The following KLHDC4 variants were observed in gnomAD, a reference collection of about 807,000 sequenced individuals.
KLHDC4 encodes kelch domain-containing protein 4.
KLHDC4 carries 90 observed loss-of-function variants against 62.4 expected under a neutral mutation model. The observed-to-expected ratio is 1.44, with a 90% confidence interval of 1.22 to 1.72. The LOEUF (loss-of-function observed/expected upper bound fraction) is 1.72, where lower values mean the gene tolerates loss of function less well. Among genes scored for constraint, KLHDC4 ranks in the 40% most tolerant of loss-of-function variants. The pLI is 0.00. For missense variants in KLHDC4, 1,025 were observed against 699.7 expected (o/e 1.47, Z -5.25); for synonymous variants, 386 against 284.4 (o/e 1.36, Z -3.59).
chr16:87,707,753 G>A, downstream of KLHDC4: 2 of 314,056 alleles, frequency 6.4e-6, no homozygotes, highest in South Asian at 2.7e-5. Context: ...GCCCGGGGCA[G>A]AGGCCCCGGG....
At position 87,749,015 on chromosome 16, in the gene KLHDC4, G is replaced by A. The variant is rs961877525; in HGVS notation, c.370-206C>T. Reference sequence around the variant, plus strand: ...TAGGAAAGCACGTCCTCAGTCAAGGGTCTAATAAACCTTCATGTATCCCTA... The same window carrying A: ...TAGGAAAGCACGTCCTCAGTCAAGGATCTAATAAACCTTCATGTATCCCTA... On this transcript the variant is annotated intron_variant, in intron 4 of 11. Coordinates refer to ENST00000270583, the MANE Select transcript of KLHDC4 (RefSeq NM_017566.4). Among the ~76,000 whole-genome samples the A allele has an allele frequency of 2.0e-5, 3 of 150,130 alleles. No individual in the cohort carries two copies. In the Admixed American group the frequency reaches 2.0e-4, roughly 10 times the overall value.
chr16:87,720,941 C>T (rs887052734), intron 7 of KLHDC4, among the ~76,000 whole-genome samples: 1 of 152,212 alleles, frequency 6.6e-6, no homozygotes, highest in Non-Finnish European at 1.5e-5. Context: ...CGGGTCAAGT[C>T]CCTCTGCGTG....
chr16:87,749,986 CAGGGGATGCTGAGGAGAGAGCAG>C (rs1339861727), intron 4 of KLHDC4, among the ~76,000 whole-genome samples: 2 of 152,192 alleles, frequency 1.3e-5, no homozygotes, highest in African/African-American at 4.8e-5. Context: ...ACTCCGGCAG[CAGGGGATGCTGAGGAGAGAGCAG>C]ACCACCAATC....
intron 2 of KLHDC4, 132 bp downstream of exon 2, chr16:87,761,817 A>G: frequency 1.1e-6 from 1 of 889,322 alleles, no homozygotes; most frequent in Non-Finnish European, 1.8e-6. Context: ...GCAGAAAGTG[A>G]CCAAGAACAG....
intron 4 of KLHDC4, among the ~76,000 whole-genome samples, chr16:87,751,449 G>A (rs536469142): frequency 6.0e-5 from 9 of 151,184 alleles, no homozygotes; most frequent in South Asian, 4.2e-4. Context: ...ACTCCAGCCC[G>A]GGCAACAGAG....
At chr16:87,737,853 A>G (rs2041604071) in intron 5 of KLHDC4, among the ~76,000 whole-genome samples, 1 of 152,072 alleles carries the variant, frequency 6.6e-6, no homozygotes, top group South Asian at 2.1e-4. Flanking sequence ...GGCCTCCCAA[A>G]GTGCTGGGAT....
intron 7 of KLHDC4, among the ~76,000 whole-genome samples, chr16:87,716,948 A>G (rs2037127499): frequency 6.7e-6 from 1 of 149,066 alleles, no homozygotes; most frequent in Non-Finnish European, 1.5e-5. Context: ...AAGAAAAGAA[A>G]AGAAACTAAG....
chr16:87,715,237 T>C (rs535191933), intron 7 of KLHDC4, among the ~76,000 whole-genome samples: 2 of 151,370 alleles, frequency 1.3e-5, no homozygotes, highest in South Asian at 4.3e-4. Flanking sequence ...CATCTCATCT[T>C]TGTATTTGTT....
chr16:87,731,022 T>G (rs2040258359), intron 5 of KLHDC4: 1 of 155,902 alleles, frequency 6.4e-6, no homozygotes, highest in African/African-American at 2.5e-5. Flanking sequence ...ACAAATGACT[T>G]GTATCCAGAA....
downstream of KLHDC4, among the ~76,000 whole-genome samples, chr16:87,704,859 G>A (rs971994207): frequency 5.3e-5 from 8 of 152,078 alleles, no homozygotes; most frequent in African/African-American, 1.9e-4. Context: ...CCCCAAACAC[G>A]AAAAAAGCCA....
intron 5 of KLHDC4, among the ~76,000 whole-genome samples, chr16:87,743,844 A>G (rs962594478): frequency 1.3e-5 from 2 of 152,240 alleles, no homozygotes; most frequent in Non-Finnish European, 2.9e-5. Flanking sequence ...CCAGGTTTAA[A>G]TTCTTAAATA....
At chr16:87,747,187 G>A (rs927118047) in intron 5 of KLHDC4, among the ~76,000 whole-genome samples, 1 of 152,240 alleles carries the variant, frequency 6.6e-6, no homozygotes, top group Admixed American at 6.5e-5. Flanking sequence ...CACCACAGAG[G>A]CACCGGAGCC....
exon 1 of KLHDC4, chr16:87,700,111 G>C (rs1410979143): frequency 6.6e-6 from 1 of 152,452 alleles, no homozygotes; most frequent in Admixed American, 6.5e-5. Flanking sequence ...CAGTCTTCAT[G>C]GGACAGTGCG....
At position 87,709,354 on chromosome 16, in the gene KLHDC4, G is replaced by A. The variant is rs2035309462; in HGVS notation, c.1358C>T (p.Ala453Val). 2.5e-6 allele frequency: 4 copies of A among 1,613,294 alleles called. No homozygotes were observed. Among genetic ancestry groups the A allele is most frequent in the Non-Finnish European group, 3.4e-6 (4 of 1,179,938 alleles). ...GCTGAGGGTGACCTGGCGGTCGCCG[G>A]CCTCAAACATGCCCCCATAGACGTA... ...VLYVYGGMFE[A>V]GDRQVTLSDL... Residue 453 changes from alanine to valine, a missense_variant, in exon 10 of 12, where the codon GCC becomes GTC. Physicochemically the swap from Ala to Val is moderately conservative, Grantham distance 64. Coordinates refer to ENST00000270583, the MANE Select transcript of KLHDC4 (RefSeq NM_017566.4).
intron 4 of KLHDC4, among the ~76,000 whole-genome samples, chr16:87,750,581 C>T (rs370551340): frequency 3.3e-5 from 5 of 152,224 alleles, no homozygotes; most frequent in Non-Finnish European, 7.3e-5. Context: ...TGGTTCCACA[C>T]AGGGCGCAGA....
intron 2 of KLHDC4, among the ~76,000 whole-genome samples, chr16:87,761,471 T>C (rs2143465508): frequency 6.6e-6 from 1 of 152,342 alleles, no homozygotes; most frequent in South Asian, 2.1e-4. Flanking sequence ...GTGTATGAAA[T>C]CCTACAGACT....
intron 5 of KLHDC4, among the ~76,000 whole-genome samples, chr16:87,739,510 C>T (rs998850308): frequency 2.1e-5 from 3 of 141,318 alleles, no homozygotes; most frequent in Non-Finnish European, 4.6e-5. Flanking sequence ...ACACCAGCAC[C>T]TCATCCACAC....
exon 1 of KLHDC4, chr16:87,702,315 G>C (rs1355160183): frequency 2.2e-6 from 1 of 456,120 alleles, no homozygotes; most frequent in Admixed American, 2.3e-5. Flanking sequence ...GGGGCTCCCA[G>C]GCCCTGGGGT....
chr16:87,701,287 G>A (rs988463924), exon 1 of KLHDC4: 1 of 238,234 alleles, frequency 4.2e-6, no homozygotes, highest in East Asian at 1.0e-4. Context: ...CAAAGCAGAG[G>A]ACCTCAGCCA....
Sources: allele counts gnomAD v4.1 joint callset (sites outside exome capture counted in the v4.1 genomes callset), GRCh38; gene constraint gnomAD v4.1.1; transcripts MANE v1.5; gene names NCBI Gene and HGNC (gene_info 2026-07-23, HGNC 2026-07-21).